Variants in GPR89A observed in about 807,000 individuals in gnomAD.
GPR89A encodes G protein-coupled receptor 89A.
GPR89A carries 16 observed loss-of-function variants against 52.0 expected under a neutral mutation model. The ratio of observed to expected loss-of-function variants is 0.31; its 90% CI spans 0.21 to 0.47. The LOEUF is 0.47. GPR89A is among the 20% of genes least tolerant of loss of function. The pLI is 1.00. For missense variants in GPR89A, 135 were observed against 449.4 expected (o/e 0.30, Z 6.33); for synonymous variants, 55 against 150.9 (o/e 0.36, Z 4.66).
intron 1 of GPR89A, among the ~76,000 whole-genome samples, chr1:145,608,956 A>T (rs1241677219): frequency 1.3e-5 from 2 of 151,740 alleles, no homozygotes; most frequent in Admixed American, 6.6e-5. Context: ...GTTTCTTCCT[A>T]GCATTCATCA....
intron 7 of GPR89A, among the ~76,000 whole-genome samples, chr1:145,632,673 C>T (rs1332639976): frequency 2.6e-5 from 4 of 152,182 alleles, no homozygotes; most frequent in Non-Finnish European, 4.4e-5. Context: ...GATACCATAA[C>T]TTGGCTATTG....
At chr1:145,616,154 C>G in intron 1 of GPR89A, 80 bp from the exon 2 acceptor site, 1 of 864,084 alleles carries the variant, frequency 1.2e-6, no homozygotes, top group Non-Finnish European at 1.9e-6. Context: ...AGTTAGCAGA[C>G]CTTTTATCAT....
rs1647933106 is a variant in GPR89A, at chr1:145,608,142, C to T, written c.9C>T (p.Phe3=). 6.2e-7 allele frequency: 1 copy of T among 1,613,436 alleles called. No individual in the cohort carries two copies. The highest frequency in any genetic ancestry group is 8.5e-7 in the Non-Finnish European group (1 of 1,179,852). The part of the protein sequence containing the change: MS[F]LIDSSIMITS... ...CTTCCTTACACTTCGCCATGAGTTT[C>T]CTCATCGACTCCAGCATCATGATTA... Residue 3 remains phenylalanine (F), a synonymous_variant, in exon 1 of 14, where the codon TTC becomes TTT. Coordinates refer to ENST00000313835, the MANE Select transcript of GPR89A (RefSeq NM_001097612.2).
At chr1:145,660,025 T>TTGAAGCAA (rs1652088382) in intron 10 of GPR89A, among the ~76,000 whole-genome samples, 1 of 152,068 alleles carries the variant, frequency 6.6e-6, no homozygotes, top group South Asian at 2.1e-4. Context: ...TTTATTCTCT[T>TTGAAGCAA]TGAAGCAATT....
At chr1:145,643,225 G>C (rs1176601847) in intron 7 of GPR89A, among the ~76,000 whole-genome samples, 1 of 151,858 alleles carries the variant, frequency 6.6e-6, no homozygotes, top group Non-Finnish European at 1.5e-5. Context: ...GCGTGCAGTG[G>C]TGTGATCTCA....
chr1:145,617,719 G>A (rs1432608025), intron 2 of GPR89A, among the ~76,000 whole-genome samples: 1 of 151,954 alleles, frequency 6.6e-6, no homozygotes, highest in African/African-American at 2.4e-5. Flanking sequence ...CGCAACACAA[G>A]GCTGGTGTTG....
intron 12 of GPR89A, among the ~76,000 whole-genome samples, chr1:145,667,464 G>GATATTAGCCCTTTGTCAGATAAGT (rs1652645115): frequency 6.6e-6 from 1 of 152,034 alleles, no homozygotes; most frequent in Non-Finnish European, 1.5e-5. Flanking sequence ...GTAAATTCTG[G>GATATTAGCCCTTTGTCAGATAAGT]ATATTAGCCC....
rs1353178927 is a variant in GPR89A, at chr1:145,607,988, G to T, written c.-146G>T. The T allele has an allele frequency of 6.8e-6, 6 of 886,700 alleles. No individual in the cohort carries two copies. The East Asian group carries it at 1.1e-4, about 16-fold the overall frequency. The allele number at this position is 886,700 out of a possible 1,614,324, so 54.9% of individuals were successfully genotyped here. On this transcript the variant is annotated 5_prime_UTR_variant, in exon 1 of 14. Transcript: ENST00000313835. ...TAGACGCTGATTGGCTGACTGGGGCGCAGCTTGATGGCGTCGGGCTGGAGA... is the reference window on the plus strand; with the variant it reads ...TAGACGCTGATTGGCTGACTGGGGCTCAGCTTGATGGCGTCGGGCTGGAGA...
At chr1:145,616,369 A>G (rs1648701280) in intron 2 of GPR89A, 76 bp downstream of exon 2, 2 of 1,172,414 alleles carry the variant, frequency 1.7e-6, no homozygotes, top group Middle Eastern at 2.0e-4. Context: ...TTAAAGAAAC[A>G]TTATGTTCAT....
intron 7 of GPR89A, among the ~76,000 whole-genome samples, chr1:145,637,766 CTT>C (rs1246436755): frequency 6.6e-6 from 1 of 152,174 alleles, no homozygotes; most frequent in African/African-American, 2.4e-5. Context: ...GAAATGGAAA[CTT>C]TTAAAAAACA....
At chr1:145,610,014 A>G (rs587678054) in intron 1 of GPR89A, among the ~76,000 whole-genome samples, 3 of 152,088 alleles carry the variant, frequency 2.0e-5, no homozygotes, top group South Asian at 2.1e-4. Context: ...ATTTATTACT[A>G]TGGTTCATTT....
chr1:145,619,662 A>G (rs1342548040), intron 3 of GPR89A, among the ~76,000 whole-genome samples: 2 of 152,112 alleles, frequency 1.3e-5, no homozygotes, highest in African/African-American at 4.8e-5. Context: ...AGAACAATGA[A>G]TAACATGTAT....
chr1:145,658,651 C>T (rs1260778724), intron 10 of GPR89A, among the ~76,000 whole-genome samples: 16 of 149,826 alleles, frequency 1.1e-4, no homozygotes, highest in Non-Finnish European at 3.0e-5. Flanking sequence ...TTTTCTATGG[C>T]TGAATAATAT....
intron 7 of GPR89A, among the ~76,000 whole-genome samples, chr1:145,639,429 T>A (rs1571504940): frequency 6.6e-6 from 1 of 152,116 alleles, no homozygotes; most frequent in Non-Finnish European, 1.5e-5. Flanking sequence ...CATAGATCAC[T>A]GGAACAGAAA....
chr1:145,662,074 T>G (rs1293804963), intron 10 of GPR89A, among the ~76,000 whole-genome samples: 2 of 152,188 alleles, frequency 1.3e-5, no homozygotes, highest in African/African-American at 4.8e-5. Context: ...CTTACCTGTA[T>G]GTGAGTAGAA....
intron 10 of GPR89A, among the ~76,000 whole-genome samples, chr1:145,660,855 G>A (rs1652144732): frequency 6.6e-6 from 1 of 151,422 alleles, no homozygotes; most frequent in African/African-American, 2.4e-5. Context: ...TACACTGTTG[G>A]TGGGACTGTA....
intron 1 of GPR89A, among the ~76,000 whole-genome samples, chr1:145,612,969 T>C (rs1255178816): frequency 6.6e-6 from 1 of 152,108 alleles, no homozygotes; most frequent in African/African-American, 2.4e-5. Flanking sequence ...TTGTTTTCCT[T>C]ATCCTCTAGT....
At chr1:145,617,931 A>G (rs1243486939) in intron 2 of GPR89A, among the ~76,000 whole-genome samples, 1 of 151,500 alleles carries the variant, frequency 6.6e-6, no homozygotes, top group African/African-American at 2.4e-5. Flanking sequence ...CAATACTTTA[A>G]GACCTCCCGA....
At chr1:145,654,295 G>A (rs1339751254) in intron 10 of GPR89A, among the ~76,000 whole-genome samples, 5 of 152,134 alleles carry the variant, frequency 3.3e-5, no homozygotes, top group South Asian at 2.1e-4. Flanking sequence ...GGCTCATGCC[G>A]GTAATCCCAG....
Sources: allele counts gnomAD v4.1 joint callset (sites outside exome capture counted in the v4.1 genomes callset), GRCh38; gene constraint gnomAD v4.1.1; transcripts MANE v1.5; gene names NCBI Gene and HGNC (gene_info 2026-07-23, HGNC 2026-07-21).